The following GALNT18 variants were observed in gnomAD, a reference collection of about 807,000 sequenced individuals.
The protein encoded by GALNT18 is GalNAc-transferase 18.
In GALNT18, 44 loss-of-function variants were observed where a neutral mutation model predicts 69.5. The ratio of observed to expected loss-of-function variants is 0.63; its 90% confidence interval spans 0.50 to 0.81. The LOEUF is 0.81. Among genes scored for constraint, GALNT18 ranks in the 40% least tolerant of loss-of-function variants. The pLI is 0.00. For missense variants in GALNT18, 715 were observed against 810.0 expected (o/e 0.88, Z 1.42); for synonymous variants, 364 against 318.2 (o/e 1.14, Z -1.53).
rs75682511 is a variant in GALNT18 at position 11,587,671 on chromosome 11, C to T, written c.235+33688G>A. ...TATATCCTAGAGAAGTAATACCAGTCATCAACATCAAAACCAACCTATAAC... is the reference window on the plus strand; with the variant it reads ...TATATCCTAGAGAAGTAATACCAGTTATCAACATCAAAACCAACCTATAAC... On this transcript the variant is annotated intron_variant, in intron 1 of 10. Transcript: ENST00000227756. The surrounding 1 kb of genome is among the most constrained non-coding windows in gnomAD (Gnocchi z 4.4). Among the ~76,000 whole-genome samples, 4,530 of 152,268 alleles carry T rather than the reference C, an allele frequency of 0.03. 212 individuals are homozygous for T. Among genetic ancestry groups the T allele is most frequent in the African/African-American group, 0.1 (4,279 of 41,552 alleles).
chr11:11,329,587 C>A (rs1849984420), intron 8 of GALNT18, among the ~76,000 whole-genome samples: 1 of 152,210 alleles, frequency 6.6e-6, no homozygotes, highest in East Asian at 1.9e-4. Flanking sequence ...CATTCCTGTG[C>A]TTCACTAGCA....
chr11:11,382,876 G>A lies in GALNT18; in HGVS notation c.596-3612C>T, dbSNP rs891619648. ...GTATATTTTGTGCTTGTTTTAATGC[G>A]TTGGAGAAAGAGGAGGCAGGGAGTC... is the stretch of plus-strand genomic sequence containing the variant. On this transcript the variant is annotated intron_variant, in intron 3 of 10. Transcript: ENST00000227756. The surrounding 1 kb of genome is among the most constrained non-coding windows in gnomAD (Gnocchi z 4.3). 6.6e-6 allele frequency among the ~76,000 whole-genome samples: 1 copy of A among 152,158 alleles called. No homozygotes were observed. The highest frequency in any genetic ancestry group is 6.5e-5 in the Admixed American group (1 of 15,280).
In GALNT18 at chr11:11,567,460, T is replaced by C. The variant is rs1858681124; in HGVS notation, c.235+53899A>G. ...TTTTTCATCTGTCAAAGTAATACCA[T>C]AATGTACAAAACATACAATTTCTGG... On this transcript the variant is annotated intron_variant, in intron 1 of 10. Coordinates refer to ENST00000227756, the MANE Select transcript of GALNT18 (RefSeq NM_198516.3). 2.6e-5 allele frequency among the ~76,000 whole-genome samples: 4 copies of C among 152,212 alleles called. No individual in the cohort carries two copies. The South Asian group carries it at 8.3e-4, about 31-fold the overall frequency.
intron 1 of GALNT18, among the ~76,000 whole-genome samples, chr11:11,594,031 C>T (rs557217536): frequency 2.0e-5 from 3 of 152,266 alleles, no homozygotes; most frequent in Admixed American, 6.5e-5. Flanking sequence ...GTAGATTCTC[C>T]GTTTTGGAAT....
intron 1 of GALNT18, among the ~76,000 whole-genome samples, chr11:11,581,426 G>T (rs1372799922): frequency 6.6e-6 from 1 of 152,024 alleles, no homozygotes; most frequent in Non-Finnish European, 1.5e-5. Flanking sequence ...TGCTTCCCTC[G>T]CCCACCTGTA....
intron 9 of GALNT18, among the ~76,000 whole-genome samples, chr11:11,325,853 C>T (rs1463348957): frequency 6.6e-6 from 1 of 152,090 alleles, no homozygotes; most frequent in East Asian, 1.9e-4. Context: ...GTCACAGCAA[C>T]TCAGTCCCCA....
rs544777162 is a variant in GALNT18 at position 11,320,703 on chromosome 11, C to T, written c.1512+6383G>A. Among the ~76,000 whole-genome samples the T allele has an allele frequency of 6.4e-4, 97 of 152,330 alleles. No individual in the cohort carries two copies. The highest frequency in any genetic ancestry group is 2.1e-3 in the African/African-American group (88 of 41,572). ...CAGCAGCCCCTTACCTTTCACTCAT[C>T]CCCTGCCCCTGCGTTCATCATGGGT... On this transcript the variant is annotated intron_variant, in intron 9 of 10. Transcript: ENST00000227756. This position sits in a 1 kb window ranked among gnomAD's most constrained non-coding sequence, Gnocchi z 4.9.
rs1188135147 is a variant in GALNT18, at chr11:11,604,154, CTG to C, written c.235+17203_235+17204del. Among the ~76,000 whole-genome samples the C allele has an allele frequency of 1.3e-5, 2 of 152,216 alleles. No homozygotes were observed. The highest frequency in any genetic ancestry group is 2.9e-5 in the Non-Finnish European group (2 of 68,044). ...TCCAGAACTGTGAGGAAATAAGTGT[CTG>C]TTATTAATACACCACACAGTTTATG... On this transcript the variant is annotated intron_variant, in intron 1 of 10. Coordinates refer to ENST00000227756, the MANE Select transcript of GALNT18 (RefSeq NM_198516.3). This position sits in a 1 kb window ranked among gnomAD's most constrained non-coding sequence, Gnocchi z 5.6.
In GALNT18 at chr11:11,383,048, C is replaced by A. The variant is rs1327730997; in HGVS notation, c.596-3784G>T. Among the ~76,000 whole-genome samples the A allele has an allele frequency of 6.6e-6, 1 of 152,148 alleles. No homozygotes were observed. The highest frequency in any genetic ancestry group is 2.4e-5 in the African/African-American group (1 of 41,434). ...CAGCTCTCTCCTACTGTCCACAAAT[C>A]CCTGATCTCCTGACATTGGAGGGAC... On this transcript the variant is annotated intron_variant, in intron 3 of 10. Transcript: ENST00000227756. The surrounding 1 kb of genome is among the most constrained non-coding windows in gnomAD (Gnocchi z 5.2).
intron 1 of GALNT18, among the ~76,000 whole-genome samples, chr11:11,481,597 G>T (rs1856532780): frequency 6.6e-6 from 1 of 152,164 alleles, no homozygotes; most frequent in African/African-American, 2.4e-5. Context: ...TGTGTGGAGG[G>T]CAGGACTGTG....
At chr11:11,286,317 GGAA>G (rs1564880142) in intron 10 of GALNT18, among the ~76,000 whole-genome samples, 1 of 152,180 alleles carries the variant, frequency 6.6e-6, no homozygotes, top group Non-Finnish European at 1.5e-5. Context: ...TGAGGTGATC[GGAA>G]GAAGTGCGTG....
chr11:11,273,322 A>G (rs1455246890), intron 10 of GALNT18, among the ~76,000 whole-genome samples: 2 of 152,178 alleles, frequency 1.3e-5, no homozygotes, highest in African/African-American at 2.4e-5. Context: ...TTAATAACCA[A>G]GATACATAAG....
rs1854834735 is a variant in GALNT18 at position 11,415,497 on chromosome 11, A to G, written c.595+17124T>C. Among the ~76,000 whole-genome samples, 1 of 152,164 alleles carries G rather than the reference A, an allele frequency of 6.6e-6. No homozygotes were observed. Among genetic ancestry groups the G allele is most frequent in the African/African-American group, 2.4e-5 (1 of 41,450 alleles). Reference sequence around the variant, plus strand: ...AGGTACAAGGCAGTTAAAGAAATACATAAGTAAAAACAAAAAGAGTCTAGT... The same window carrying G: ...AGGTACAAGGCAGTTAAAGAAATACGTAAGTAAAAACAAAAAGAGTCTAGT... On this transcript the variant is annotated intron_variant, in intron 3 of 10. Coordinates refer to ENST00000227756, the MANE Select transcript of GALNT18 (RefSeq NM_198516.3). The surrounding 1 kb of genome is among the most constrained non-coding windows in gnomAD (Gnocchi z 4.1).
chr11:11,358,329 A>C (rs1850573565), intron 6 of GALNT18, among the ~76,000 whole-genome samples: 1 of 140,098 alleles, frequency 7.1e-6, no homozygotes, highest in South Asian at 2.2e-4. Context: ...CTTTTTGGTT[A>C]TTTCCACTGT....
At chr11:11,342,010 A>ACTGTGGAGTC (rs1850217891) in intron 6 of GALNT18, among the ~76,000 whole-genome samples, 1 of 151,764 alleles carries the variant, frequency 6.6e-6, no homozygotes, top group Non-Finnish European at 1.5e-5. Flanking sequence ...TGGCCCCAAC[A>ACTGTGGAGTC]TTGTGGAGTC....
chr11:11,327,260 T>C, intron 8 of GALNT18, 79 bp from the exon 9 acceptor site: 1 of 1,059,246 alleles, frequency 9.4e-7, no homozygotes, highest in Non-Finnish European at 1.5e-6. Context: ...GAGAAACAAG[T>C]ATTCTGCTGA....
chr11:11,437,596 G>A (rs114889312), intron 2 of GALNT18, among the ~76,000 whole-genome samples: 3,307 of 152,192 alleles, frequency 0.022, 118 homozygotes, highest in African/African-American at 0.076. Context: ...GTAAAGCCCA[G>A]TTCTCGGCCA....
In GALNT18 at chr11:11,448,887, G is replaced by A. The variant is rs753991979; in HGVS notation, c.285C>T (p.Ser95=). 1.9e-6 allele frequency: 3 copies of A among 1,606,276 alleles called. No individual in the cohort carries two copies. Among genetic ancestry groups the A allele is most frequent in the Non-Finnish European group, 2.6e-6 (3 of 1,176,466 alleles). Residue 95 remains serine, a synonymous_variant, in exon 2 of 11, where the codon TCC becomes TCT. Coordinates refer to ENST00000227756, the MANE Select transcript of GALNT18 (RefSeq NM_198516.3). ...CCTGGCCCCAGTGTGCAAACAGAGAGGAGTCTGTGAAGGGCTCGGCCTCTG... is the reference window on the plus strand; with the variant it reads ...CCTGGCCCCAGTGTGCAAACAGAGAAGAGTCTGTGAAGGGCTCGGCCTCTG... ...EEAEAEPFTD[S]SLFAHWGQEL...
intron 1 of GALNT18, among the ~76,000 whole-genome samples, chr11:11,612,575 T>C (rs1859935376): frequency 6.6e-6 from 1 of 152,204 alleles, no homozygotes; most frequent in Non-Finnish European, 1.5e-5. Context: ...CTGAATTACC[T>C]TCCTGCTCCT....
Sources: gnomAD v4.1 joint callset for allele counts (sites outside exome capture counted in the v4.1 genomes callset) on GRCh38, gnomAD v4.1.1 for gene constraint, Gnocchi (gnomAD v3.1) non-coding constraint, MANE v1.5 for transcripts, NCBI Gene and HGNC (gene_info 2026-07-23, HGNC 2026-07-21) for gene names.